MGST1: variants seen among roughly 807,000 people sequenced by gnomAD.
MGST1 encodes the protein microsomal glutathione S-transferase 1.
In MGST1, 5 loss-of-function variants were observed where a neutral mutation model predicts 8.9. The observed-to-expected ratio is 0.56, with a 90% CI of 0.29 to 1.19. MGST1 has a LOEUF of 1.19. Among genes scored for constraint, MGST1 ranks in the 50% most tolerant of loss-of-function variants. MGST1 has a pLI of 0.08. For synonymous variants in MGST1, 54 were observed against 67.8 expected (o/e 0.80, Z 1.00); for missense variants, 182 against 187.4 (o/e 0.97, Z 0.17).
chr12:16,490,967 T>C (rs551955552), intron 4 of MGST1, among the ~76,000 whole-genome samples: 1 of 152,224 alleles, frequency 6.6e-6, no homozygotes, highest in Non-Finnish European at 1.5e-5. Context: ...GTCCATTTAT[T>C]GCTTCTCAGC....
At chr12:16,374,701 T>C (rs1940352625) in intron 3 of MGST1, among the ~76,000 whole-genome samples, 1 of 152,084 alleles carries the variant, frequency 6.6e-6, no homozygotes, top group Non-Finnish European at 1.5e-5. Flanking sequence ...AATTCAAATA[T>C]TCACTAACAG....
intron 4 of MGST1, among the ~76,000 whole-genome samples, chr12:16,495,880 A>G (rs1178448948): frequency 6.6e-6 from 1 of 152,096 alleles, no homozygotes; most frequent in African/African-American, 2.4e-5. Context: ...TTCACCATCT[A>G]CTTCAAGGTA....
chr12:16,592,074 A>T (rs1943510722), downstream of MGST1, among the ~76,000 whole-genome samples: 1 of 152,066 alleles, frequency 6.6e-6, no homozygotes, highest in Non-Finnish European at 1.5e-5. Flanking sequence ...TGGATAGCTT[A>T]TTCTTCACAA....
At chr12:16,484,973 A>T (rs1017849658) in intron 4 of MGST1, among the ~76,000 whole-genome samples, 1 of 152,334 alleles carries the variant, frequency 6.6e-6, no homozygotes, top group East Asian at 1.9e-4. Context: ...CTCACTTTTC[A>T]ATCCACTCTA....
Position 16,362,380 on chromosome 12 carries a change from G to GTGAGATGTGGCTCACA in MGST1, c.222-1414_222-1413insGAGATGTGGCTCACAT, listed in dbSNP as rs4149218. Among the ~76,000 whole-genome samples the GTGAGATGTGGCTCACA allele has an allele frequency of 2.6e-5, 4 of 151,852 alleles. No individual in the cohort carries two copies. Among genetic ancestry groups the GTGAGATGTGGCTCACA allele is most frequent in the African/African-American group, 9.7e-5 (4 of 41,364 alleles). ...GCTGCTGTCCTCTTCATGTCTCTAT[G>GTGAGATGTGGCTCACA]TAGTCATCCTCTTTGTGAGACAAGC... On this transcript the variant is annotated intron_variant, in intron 3 of 3. Transcript: ENST00000396210. This position sits in a 1 kb window ranked among gnomAD's most constrained non-coding sequence, Gnocchi z 4.4.
intron 4 of MGST1, among the ~76,000 whole-genome samples, chr12:16,556,926 A>G (rs1942213755): frequency 6.6e-6 from 1 of 152,194 alleles, no homozygotes; most frequent in African/African-American, 2.4e-5. Context: ...TGAAGCGAAC[A>G]CAGAAATATA....
intron 1 of MGST1, among the ~76,000 whole-genome samples, chr12:16,408,417 T>C (rs1940714522): frequency 6.6e-6 from 1 of 152,170 alleles, no homozygotes; most frequent in South Asian, 2.1e-4. Context: ...CCCTGAAAGG[T>C]ATTTTAATGA....
chr12:16,474,742 G>A (rs988257481), intron 4 of MGST1, among the ~76,000 whole-genome samples: 2 of 152,176 alleles, frequency 1.3e-5, no homozygotes, highest in South Asian at 4.1e-4. Flanking sequence ...AGCAATAACA[G>A]TAATATTGAT....
intron 4 of MGST1, among the ~76,000 whole-genome samples, chr12:16,520,424 C>T (rs1158246404): frequency 1.3e-5 from 2 of 151,774 alleles, no homozygotes; most frequent in Non-Finnish European, 1.5e-5. Flanking sequence ...GGTGAGGAAG[C>T]CTAATGATGG....
At chr12:16,356,500 T>C (rs886722457) in intron 2 of MGST1, among the ~76,000 whole-genome samples, 2 of 152,202 alleles carry the variant, frequency 1.3e-5, no homozygotes, top group Non-Finnish European at 2.9e-5. Context: ...CTCTTCAACA[T>C]CTTTATCTCT....
rs760899357 is a variant in MGST1 at position 16,349,743 on chromosome 12, C to CTTT, written c.-23+2050_-23+2052dup. Among the ~76,000 whole-genome samples the CTTT allele has an allele frequency of 2.2e-3, 285 of 127,372 alleles. 5 individuals carry two copies. Among genetic ancestry groups the CTTT allele is most frequent in the African/African-American group, 8.0e-3 (267 of 33,262 alleles). The allele number at this position is 127,372 out of a possible 152,430, so 83.6% of individuals were successfully genotyped here. ...CAGCATTTAACAGGTCCCAGAGCTT[C>CTTT]TTTTTTTTTTTTTTTTTTTGAGACG... is the stretch of plus-strand genomic sequence containing the variant. On this transcript the variant is annotated intron_variant, in intron 1 of 3. Coordinates refer to ENST00000396210, the MANE Select transcript of MGST1 (RefSeq NM_020300.5).
intron 4 of MGST1, among the ~76,000 whole-genome samples, chr12:16,529,921 A>G (rs1457429834): frequency 6.6e-6 from 1 of 152,102 alleles, no homozygotes; most frequent in Non-Finnish European, 1.5e-5. Flanking sequence ...CCAATTAACT[A>G]TCTTAGTCAC....
chr12:16,529,777 G>A (rs1422631964), intron 4 of MGST1, among the ~76,000 whole-genome samples: 1 of 152,004 alleles, frequency 6.6e-6, no homozygotes, highest in African/African-American at 2.4e-5. Flanking sequence ...TTATGCTTAT[G>A]GAATAAGTTA....
At chr12:16,430,508 T>G (rs148864788) in intron 1 of MGST1, among the ~76,000 whole-genome samples, 322 of 152,336 alleles carry the variant, frequency 2.1e-3, no homozygotes, top group African/African-American at 6.8e-3. Flanking sequence ...GGCTGCAGAA[T>G]GGATATTGTG....
intron 4 of MGST1, among the ~76,000 whole-genome samples, chr12:16,519,019 C>T (rs774069437): frequency 1.9e-4 from 29 of 152,178 alleles, no homozygotes; most frequent in African/African-American, 4.1e-4. Context: ...AATGTCACTC[C>T]GTGTTTCAGG....
Position 16,546,006 on chromosome 12 carries a change from T to C in MGST1, n.483-43522T>C, listed in dbSNP as rs559842250. The stretch of plus-strand genomic sequence containing the variant: ...AAATAGGCACACTACTTTCTGACTC[T>C]ATGACCTTGGGCGAATTAAGTAACC... On this transcript the variant is annotated intron_variant and non_coding_transcript_variant, in intron 4 of 4. Coordinates refer to the MGST1 transcript ENST00000538857. This position sits in a 1 kb window ranked among gnomAD's most constrained non-coding sequence, Gnocchi z 4.7. Among the ~76,000 whole-genome samples, 40 of 152,228 alleles carry C rather than the reference T, an allele frequency of 2.6e-4. No individual in the cohort carries two copies. The highest frequency in any genetic ancestry group is 9.4e-4 in the African/African-American group (39 of 41,570).
chr12:16,493,146 G>A (rs1941450018), intron 4 of MGST1, among the ~76,000 whole-genome samples: 1 of 152,172 alleles, frequency 6.6e-6, no homozygotes, highest in Admixed American at 6.6e-5. Flanking sequence ...TTGTGCCAGT[G>A]ACCATCTTAG....
chr12:16,563,395 T>C (rs1260922298), intron 4 of MGST1, among the ~76,000 whole-genome samples: 9 of 152,216 alleles, frequency 5.9e-5, no homozygotes, highest in South Asian at 2.1e-4. Context: ...ATGTATAATG[T>C]TATCCTTTGG....
chr12:16,593,053 T>G (rs893616232), downstream of MGST1, among the ~76,000 whole-genome samples: 16 of 151,892 alleles, frequency 1.1e-4, no homozygotes, highest in African/African-American at 3.9e-4. The surrounding 1 kb of genome is among the most constrained non-coding windows in gnomAD (Gnocchi z 4.2). Flanking sequence ...GGTATCTGGA[T>G]TACTGTTAAA....
Sources: gnomAD v4.1 joint callset for allele counts (sites outside exome capture counted in the v4.1 genomes callset) on GRCh38, gnomAD v4.1.1 for gene constraint, Gnocchi (gnomAD v3.1) non-coding constraint, MANE v1.5 for transcripts, NCBI Gene and HGNC (gene_info 2026-07-23, HGNC 2026-07-21) for gene names.